CPNE4: variants seen among roughly 807,000 people sequenced by gnomAD.
CPNE4 encodes the protein copine-4.
CPNE4 carries 25 observed loss-of-function variants against 67.9 expected under a neutral mutation model. The observed-to-expected ratio is 0.37, with a 90% confidence interval of 0.27 to 0.51. The LOEUF (loss-of-function observed/expected upper bound fraction) is 0.51, where lower values mean the gene tolerates loss of function less well. Ranked by LOEUF, CPNE4 falls within the 20% of genes least tolerant of loss-of-function variation. CPNE4 has a pLI of 0.93. For missense variants in CPNE4, 464 were observed against 690.8 expected (o/e 0.67, Z 3.68); for synonymous variants, 242 against 244.9 (o/e 0.99, Z 0.11).
chr3:131,907,680 C>T (rs555547664), intron 1 of CPNE4, among the ~76,000 whole-genome samples: 34 of 152,156 alleles, frequency 2.2e-4, no homozygotes, highest in African/African-American at 5.1e-4. Flanking sequence ...TATTTATCTG[C>T]GGTTGCTTTC....
At chr3:131,950,540 G>A (rs1359950881) in intron 1 of CPNE4, among the ~76,000 whole-genome samples, 1 of 152,166 alleles carries the variant, frequency 6.6e-6, no homozygotes, top group East Asian at 1.9e-4. Context: ...TGCATGTCAA[G>A]TTACTCAAAT....
At chr3:131,698,678 G>T (rs756530223) in intron 4 of CPNE4, among the ~76,000 whole-genome samples, 1 of 151,368 alleles carries the variant, frequency 6.6e-6, no homozygotes. Flanking sequence ...TTGGGAAGCC[G>T]AGGGGGGCGG....
At chr3:131,894,535 TG>T (rs1458860854) in intron 2 of CPNE4, among the ~76,000 whole-genome samples, 1 of 151,116 alleles carries the variant, frequency 6.6e-6, no homozygotes, top group Non-Finnish European at 1.5e-5. Context: ...AAAAATAACG[TG>T]ATTTAAAAAT....
chr3:131,983,136 A>G (rs915423364), intron 1 of CPNE4, among the ~76,000 whole-genome samples: 26 of 152,164 alleles, frequency 1.7e-4, no homozygotes, highest in African/African-American at 6.3e-4. Flanking sequence ...ATTAATAACC[A>G]TTACCTTGTA....
intron 8 of CPNE4, among the ~76,000 whole-genome samples, chr3:131,587,130 G>A (rs1938230906): frequency 6.6e-6 from 1 of 152,182 alleles, no homozygotes; most frequent in Non-Finnish European, 1.5e-5. Context: ...AAAATTCTAT[G>A]AGGTAGGTAC....
rs547442433 is a variant in CPNE4 at position 131,988,478 on chromosome 3, A to C, written c.-2+46089T>G. 7.8e-4 allele frequency among the ~76,000 whole-genome samples: 119 copies of C among 152,356 alleles called. 2 individuals are homozygous for C. The highest frequency in any genetic ancestry group is 2.8e-3 in the African/African-American group (115 of 41,588). On this transcript the variant is annotated intron_variant, in intron 1 of 15. Coordinates refer to ENST00000429747, the MANE Select transcript of CPNE4 (RefSeq NM_130808.3). Reference sequence around the variant, plus strand: ...GAAAGAGGGTCAGTCTAGTAGACCAAAAGAGAGATGATATTAGCTTGGATG... The same window carrying C: ...GAAAGAGGGTCAGTCTAGTAGACCACAAGAGAGATGATATTAGCTTGGATG...
intron 7 of CPNE4, among the ~76,000 whole-genome samples, chr3:131,630,991 A>G (rs1560014046): frequency 6.6e-6 from 1 of 152,204 alleles, no homozygotes; most frequent in Non-Finnish European, 1.5e-5. Flanking sequence ...GTCTGAAGCC[A>G]CTTGGACTGT....
At chr3:131,702,928 G>A (rs2081336362) in intron 3 of CPNE4, among the ~76,000 whole-genome samples, 1 of 152,196 alleles carries the variant, frequency 6.6e-6, no homozygotes, top group African/African-American at 2.4e-5. Context: ...TACAAGTGGT[G>A]TTTTACAGCC....
intron 14 of CPNE4, 132 bp from the exon 15 acceptor site, chr3:131,542,925 T>C (rs181592845): frequency 4.6e-6 from 3 of 646,672 alleles, no homozygotes; most frequent in Non-Finnish European, 8.3e-6. Context: ...CAGACATTTT[T>C]TGAATGTGCT....
intron 2 of CPNE4, among the ~76,000 whole-genome samples, chr3:131,883,993 C>T (rs2087781021): frequency 6.6e-6 from 1 of 152,114 alleles, no homozygotes; most frequent in South Asian, 2.1e-4. Context: ...TTTTCTTGGT[C>T]ATAATTTTTA....
chr3:132,030,182 C>T (rs895847372), intron 1 of CPNE4, among the ~76,000 whole-genome samples: 6 of 152,194 alleles, frequency 3.9e-5, no homozygotes, highest in Non-Finnish European at 8.8e-5. Context: ...CAGAGATTGG[C>T]TCCACTGCTG....
At chr3:131,889,773 T>C (rs2088031067) in intron 2 of CPNE4, among the ~76,000 whole-genome samples, 2 of 152,200 alleles carry the variant, frequency 1.3e-5, no homozygotes, top group South Asian at 4.1e-4. Context: ...TCTGTGCCTT[T>C]AAGTGTATGT....
At chr3:131,895,562 ATTT>A (rs148901938) in intron 2 of CPNE4, among the ~76,000 whole-genome samples, 1 of 87,700 alleles carries the variant, frequency 1.1e-5, no homozygotes, top group South Asian at 3.1e-4. Flanking sequence ...AGTTAATTTT[ATTT>A]TTTTTGTTTT....
Position 132,034,773 on chromosome 3 carries a change from T to C in CPNE4, c.-208A>G. ...CTGGGAAAGGTGCTGAGAGCAGAGT[T>C]CGGTCTCTCCGGAAACCCTGACTCC... On this transcript the variant is annotated 5_prime_UTR_variant, in exon 1 of 16. Transcript: ENST00000429747. 1.0e-6 allele frequency: 1 copy of C among 984,556 alleles called. No individual in the cohort carries two copies. Among genetic ancestry groups the C allele is most frequent in the Non-Finnish European group, 1.2e-6 (1 of 829,914 alleles). 61.0% of individuals were successfully genotyped at this position (984,556 alleles called of 1,614,324 possible). A position where few individuals can be genotyped will look rare whatever the true frequency, so the allele number is the denominator to read the frequency against.
At chr3:131,786,672 C>A (rs1445651627) in intron 2 of CPNE4, among the ~76,000 whole-genome samples, 1 of 152,138 alleles carries the variant, frequency 6.6e-6, no homozygotes, top group Non-Finnish European at 1.5e-5. Flanking sequence ...TGCCCCACCA[C>A]TTCCAGTGTT....
At chr3:131,905,999 C>T (rs2088734522) in intron 1 of CPNE4, among the ~76,000 whole-genome samples, 2 of 152,116 alleles carry the variant, frequency 1.3e-5, no homozygotes, top group Admixed American at 1.3e-4. Context: ...CATCTGAATC[C>T]CTGTGCCCAA....
At chr3:131,906,009 A>C (rs995119278) in intron 1 of CPNE4, among the ~76,000 whole-genome samples, 1 of 152,126 alleles carries the variant, frequency 6.6e-6, no homozygotes, top group Non-Finnish European at 1.5e-5. Context: ...CCTGTGCCCA[A>C]ATGCACTAGC....
intron 7 of CPNE4, among the ~76,000 whole-genome samples, chr3:131,668,990 A>G (rs2080330943): frequency 6.6e-6 from 1 of 152,044 alleles, no homozygotes; most frequent in Non-Finnish European, 1.5e-5. Flanking sequence ...TTTGACCTAG[A>G]CTGTGGAGGA....
intron 1 of CPNE4, among the ~76,000 whole-genome samples, chr3:131,990,783 C>A (rs1230591910): frequency 7.4e-6 from 1 of 135,686 alleles, no homozygotes; most frequent in Non-Finnish European, 1.7e-5. Flanking sequence ...TATGGCTTGG[C>A]TGTGTCCCCA....
Sources: allele counts gnomAD v4.1 joint callset (sites outside exome capture counted in the v4.1 genomes callset), GRCh38; gene constraint gnomAD v4.1.1; transcripts MANE v1.5; gene names NCBI Gene and HGNC (gene_info 2026-07-23, HGNC 2026-07-21).